The following CNBD1 variants were observed in gnomAD, a reference collection of about 807,000 sequenced individuals.
CNBD1 encodes cyclic nucleotide-binding domain-containing protein 1.
Under a neutral mutation model 54.4 loss-of-function variants are expected in CNBD1, and 71 were observed. That is an observed-to-expected ratio of 1.30 (90% CI 1.08 to 1.59). The LOEUF (loss-of-function observed/expected upper bound fraction) is 1.59, where lower values mean the gene tolerates loss of function less well. CNBD1 is among the 40% of genes most tolerant of loss of function. The probability of loss-of-function intolerance (pLI) is 0.00; values close to 1 mark genes in which losing one functional copy is unlikely to be tolerated. For synonymous variants in CNBD1, 182 were observed against 170.7 expected (o/e 1.07, Z -0.51); for missense variants, 659 against 518.0 (o/e 1.27, Z -2.64).
intron 8 of CNBD1, among the ~76,000 whole-genome samples, chr8:87,330,201 T>G (rs999955623): frequency 6.0e-5 from 9 of 150,372 alleles, no homozygotes; most frequent in Non-Finnish European, 1.2e-4. Flanking sequence ...CTATTTTATT[T>G]CCCATACTGG....
At chr8:86,888,078 A>C (rs1586112888) in intron 2 of CNBD1, among the ~76,000 whole-genome samples, 1 of 152,112 alleles carries the variant, frequency 6.6e-6, no homozygotes. Context: ...CCTTTCTCCA[A>C]GTTGGGTTTT....
At chr8:87,380,135 A>G (rs528113125) in intron 10 of CNBD1, among the ~76,000 whole-genome samples, 72 of 152,126 alleles carry the variant, frequency 4.7e-4, no homozygotes, top group Admixed American at 9.9e-4. Flanking sequence ...GAGTATTTAT[A>G]TAATTACCAG....
At chr8:87,372,897 C>G (rs1217002039) in intron 10 of CNBD1, among the ~76,000 whole-genome samples, 1 of 151,796 alleles carries the variant, frequency 6.6e-6, no homozygotes, top group Admixed American at 6.6e-5. Context: ...GCATTGTCAA[C>G]TTTGCATATA....
Position 87,182,712 on chromosome 8 carries a change from A to G in CNBD1, c.432-23281A>G, listed in dbSNP as rs1813383708. Reference sequence around the variant, plus strand: ...GTCTTCTTTTGAGAAGTGTCTGTTCATGTCTTCTGCCCATTTTTAAATGGG... The same window carrying G: ...GTCTTCTTTTGAGAAGTGTCTGTTCGTGTCTTCTGCCCATTTTTAAATGGG... On this transcript the variant is annotated intron_variant, in intron 4 of 10. Transcript: ENST00000518476. This position sits in a 1 kb window ranked among gnomAD's most constrained non-coding sequence, Gnocchi z 4.1. 6.6e-6 allele frequency among the ~76,000 whole-genome samples: 1 copy of G among 151,914 alleles called. No homozygotes were observed. The highest frequency in any genetic ancestry group is 2.4e-5 in the African/African-American group (1 of 41,330).
rs564709242 is a variant in CNBD1, at chr8:87,201,578, T to G, written c.432-4415T>G. On this transcript the variant is annotated intron_variant, in intron 4 of 10. Coordinates refer to ENST00000518476, the MANE Select transcript of CNBD1 (RefSeq NM_173538.3). Reference sequence around the variant, plus strand: ...AAATATCAAATCTACACACCATCAATGAAAAATCCAAAAATGAAATGCGGA... The same window carrying G: ...AAATATCAAATCTACACACCATCAAGGAAAAATCCAAAAATGAAATGCGGA... Among the ~76,000 whole-genome samples, 15 of 152,034 alleles carry G rather than the reference T, an allele frequency of 9.9e-5. No individual in the cohort carries two copies. The South Asian group carries it at 2.9e-3, about 29-fold the overall frequency.
intron 8 of CNBD1, among the ~76,000 whole-genome samples, chr8:87,304,667 A>G (rs1271504773): frequency 7.2e-5 from 11 of 152,070 alleles, no homozygotes; most frequent in Admixed American, 6.6e-4. Flanking sequence ...AAATCACATA[A>G]TCATTTCAAT....
chr8:87,373,886 A>G (rs1023713240), intron 10 of CNBD1, among the ~76,000 whole-genome samples: 6 of 151,528 alleles, frequency 4.0e-5, no homozygotes, highest in Non-Finnish European at 7.4e-5. Flanking sequence ...AATTTTATAA[A>G]CTTGTTATCA....
chr8:86,935,623 C>A (rs189360011), intron 3 of CNBD1, among the ~76,000 whole-genome samples: 25 of 151,864 alleles, frequency 1.6e-4, no homozygotes, highest in African/African-American at 6.0e-4. Context: ...TTATGTCTGC[C>A]TTTTCTGTTT....
intron 4 of CNBD1, among the ~76,000 whole-genome samples, chr8:87,176,058 G>T (rs1181406257): frequency 1.3e-5 from 2 of 152,244 alleles, no homozygotes; most frequent in Non-Finnish European, 2.9e-5. Context: ...CCCAAGTGCA[G>T]TGATGCCACG....
chr8:87,404,062 C>T (rs1807612811), intron 2 of CNBD1, among the ~76,000 whole-genome samples: 1 of 151,968 alleles, frequency 6.6e-6, no homozygotes, highest in Non-Finnish European at 1.5e-5. Context: ...TTGAGGAATC[C>T]AGCAGAGAAC....
intron 10 of CNBD1, among the ~76,000 whole-genome samples, chr8:87,380,537 T>C (rs568203475): frequency 6.6e-6 from 1 of 152,022 alleles, no homozygotes; most frequent in Non-Finnish European, 1.5e-5. Flanking sequence ...AAAATTGTTT[T>C]GTCTATTTCT....
intron 2 of CNBD1, among the ~76,000 whole-genome samples, chr8:86,903,634 C>T (rs1209811228): frequency 6.6e-6 from 1 of 151,940 alleles, no homozygotes; most frequent in Non-Finnish European, 1.5e-5. Flanking sequence ...ACCGTATATC[C>T]TCCACTTCTT....
At chr8:87,255,972 AATATATATATATATATATATATATAT>A (rs1164599078) in intron 6 of CNBD1, among the ~76,000 whole-genome samples, 2 of 16,952 alleles carry the variant, frequency 1.2e-4, no homozygotes, top group African/African-American at 4.2e-4. Context: ...TGCAGCTACA[AATATATATATATATATATATATATAT>A]ATATATATAT....
chr8:87,327,672 G>C (rs182408830), intron 8 of CNBD1, among the ~76,000 whole-genome samples: 1 of 152,182 alleles, frequency 6.6e-6, no homozygotes, highest in Non-Finnish European at 1.5e-5. Flanking sequence ...CGTGCCCGGT[G>C]CGCACACCCA....
chr8:87,111,878 T>C (rs1305730915), intron 4 of CNBD1, among the ~76,000 whole-genome samples: 4 of 152,078 alleles, frequency 2.6e-5, no homozygotes, highest in African/African-American at 9.7e-5. Flanking sequence ...CTGTTACATG[T>C]CTCTGATATT....
At chr8:87,376,280 T>C (rs1467263926) in intron 10 of CNBD1, among the ~76,000 whole-genome samples, 1 of 151,784 alleles carries the variant, frequency 6.6e-6, no homozygotes, top group African/African-American at 2.4e-5. Flanking sequence ...TGAGGGTACA[T>C]TCCTGGTTTG....
chr8:86,996,135 T>G (rs1349465113), intron 4 of CNBD1, among the ~76,000 whole-genome samples: 1 of 152,150 alleles, frequency 6.6e-6, no homozygotes, highest in Non-Finnish European at 1.5e-5. Context: ...ATTATTTTAT[T>G]TTTTTTAATA....
rs138320245 is a variant in CNBD1, at chr8:86,943,115, G to T, written c.431+3361G>T. The stretch of plus-strand genomic sequence containing the variant: ...AAATAAATGCAGGCTGGGCGCAGTG[G>T]CTCACACCTGTAATCCCAGCACTTT... On this transcript the variant is annotated intron_variant, in intron 4 of 10. Coordinates refer to ENST00000518476, the MANE Select transcript of CNBD1 (RefSeq NM_173538.3). Among the ~76,000 whole-genome samples the T allele has an allele frequency of 7.4e-3, 1,128 of 151,808 alleles. 11 individuals are homozygous for T. Among genetic ancestry groups the T allele is most frequent in the African/African-American group, 0.026 (1,082 of 41,428 alleles).
rs190819287 is a variant in CNBD1, at chr8:86,962,292, C to T, written c.431+22538C>T. Among the ~76,000 whole-genome samples, 33 of 152,236 alleles carry T rather than the reference C, an allele frequency of 2.2e-4. 2 individuals carry two copies. The highest frequency in any genetic ancestry group is 8.8e-5 in the Non-Finnish European group (6 of 68,012). On this transcript the variant is annotated intron_variant, in intron 4 of 10. Transcript: ENST00000518476. ...GATCCATGAGAAAAGACATACAGGCCTTTTAAATATACCTATAGCTTTGAT... is the reference window on the plus strand; with the variant it reads ...GATCCATGAGAAAAGACATACAGGCTTTTTAAATATACCTATAGCTTTGAT...
Sources: allele counts gnomAD v4.1 joint callset (sites outside exome capture counted in the v4.1 genomes callset), GRCh38; gene constraint gnomAD v4.1.1; non-coding constraint Gnocchi (gnomAD v3.1); transcripts MANE v1.5; gene names NCBI Gene and HGNC (gene_info 2026-07-23, HGNC 2026-07-21).